Variants in MACF1 observed in about 807,000 individuals in gnomAD.
The protein encoded by MACF1 is microtubule actin crosslinking factor 1, also known as microtubule-actin cross-linking factor 1.
Under a neutral mutation model 854.8 loss-of-function variants are expected in MACF1, and 193 were observed. That is an observed-to-expected ratio of 0.23 (90% CI 0.20 to 0.25). The LOEUF is 0.25. MACF1 is among the 10% of genes least tolerant of loss of function. MACF1 has a pLI of 1.00. For missense variants in MACF1, 7,722 were observed against 8,929.1 expected (o/e 0.86, Z 5.45); for synonymous variants, 3,185 against 3,226.7 (o/e 0.99, Z 0.44).
At chr1:39,203,525 A>G (rs1478214756), upstream of MACF1, among the ~76,000 whole-genome samples, 1 of 152,220 alleles carries the variant, frequency 6.6e-6, no homozygotes, top group Non-Finnish European at 1.5e-5. Context: ...AGTTTGGACA[A>G]ATGTATACAG....
intron 42 of MACF1, among the ~76,000 whole-genome samples, chr1:39,350,542 C>G (rs2148500298): frequency 6.6e-6 from 1 of 152,250 alleles, no homozygotes; most frequent in Non-Finnish European, 1.5e-5. Context: ...TAATGCATTG[C>G]AAAATGAAAA....
intron 21 of MACF1, among the ~76,000 whole-genome samples, chr1:39,298,222 T>C (rs1645965021): frequency 6.6e-6 from 1 of 152,110 alleles, no homozygotes; most frequent in Admixed American, 6.5e-5. Context: ...ATAATTAAAA[T>C]TGATTTTAAT....
chr1:39,454,813 T>G lies in MACF1; in HGVS notation c.20887-96T>G, dbSNP rs985331339. On this transcript the variant is annotated intron_variant, in intron 88 of 100. Coordinates refer to ENST00000564288, the MANE Select transcript of MACF1 (RefSeq NM_001394062.1). Reference sequence around the variant, plus strand: ...AGAGTCTGTCTCCAAAAAAATAAAATAAAAAGCCATTATGAAAATCAGATG... The same window carrying G: ...AGAGTCTGTCTCCAAAAAAATAAAAGAAAAAGCCATTATGAAAATCAGATG... 4.5e-6 allele frequency: 5 copies of G among 1,102,480 alleles called. No individual in the cohort carries two copies. In the East Asian group the frequency reaches 1.0e-4, roughly 22 times the overall value. 68.3% of individuals were successfully genotyped at this position (1,102,480 alleles called of 1,614,324 possible). A position where few individuals can be genotyped will look rare whatever the true frequency, so the allele number is the denominator to read the frequency against.
intron 3 of MACF1, 120 bp from the exon 4 acceptor site, chr1:39,251,726 G>A: frequency 2.1e-6 from 1 of 471,666 alleles, no homozygotes; most frequent in Non-Finnish European, 3.5e-6. Context: ...TTCGGAGGTG[G>A]GAGGGTATTT....
chr1:39,333,108 C>T lies in MACF1; in HGVS notation c.6520C>T (p.Gln2174Ter). Reference protein sequence around the residue: ...RNTSFTCQNEQAHTLETEYIH... With the variant: ...RNTSFTCQNE Reference sequence around the variant, plus strand: ...CACTTCCTTTACATGTCAGAATGAACAAGCACACACTCTTGAGACTGAATA... The same window carrying T: ...CACTTCCTTTACATGTCAGAATGAATAAGCACACACTCTTGAGACTGAATA... Residue 2174 changes from glutamine (Q) to a stop codon, truncating the protein, a stop_gained, in exon 37 of 101, where the codon CAA becomes TAA. Transcript: ENST00000564288. LOFTEE classifies it high-confidence loss of function. 2 of 1,614,128 alleles carry T rather than the reference C, an allele frequency of 1.2e-6. No homozygotes were observed.
At chr1:39,094,650 G>A (rs539618845) in intron 2 of MACF1, among the ~76,000 whole-genome samples, 15 of 151,882 alleles carry the variant, frequency 9.9e-5, no homozygotes, top group African/African-American at 2.9e-4. Context: ...CCTGGGAGGC[G>A]GAAGTTGCGG....
At chr1:39,393,481 G>T (rs1191550565) in intron 58 of MACF1, among the ~76,000 whole-genome samples, 1 of 151,774 alleles carries the variant, frequency 6.6e-6, no homozygotes, top group Non-Finnish European at 1.5e-5. Context: ...TTTGGGTCAT[G>T]CTTCAGACTT....
chr1:39,368,975 A>G (rs1648984034), intron 50 of MACF1, among the ~76,000 whole-genome samples: 1 of 150,950 alleles, frequency 6.6e-6, no homozygotes, highest in Non-Finnish European at 1.5e-5. Flanking sequence ...GACATAATTA[A>G]GGGTGATGTT....
At chr1:39,119,573 A>C (rs1225553176) in intron 2 of MACF1, among the ~76,000 whole-genome samples, 1 of 151,862 alleles carries the variant, frequency 6.6e-6, no homozygotes, top group Admixed American at 6.6e-5. Flanking sequence ...TGGTTGTTTT[A>C]TTTCTTAGTG....
At chr1:39,354,291 T>A (rs1268434043) in intron 44 of MACF1, among the ~76,000 whole-genome samples, 1 of 152,210 alleles carries the variant, frequency 6.6e-6, no homozygotes, top group Non-Finnish European at 1.5e-5. Flanking sequence ...TTTTACTCAT[T>A]CTTCAGATCT....
chr1:39,483,223 ATATG>A (rs1239451386), intron 99 of MACF1, among the ~76,000 whole-genome samples: 1 of 152,162 alleles, frequency 6.6e-6, no homozygotes, highest in African/African-American at 2.4e-5. Context: ...AGTGATAATA[ATATG>A]TAGCTCTTTT....
At chr1:39,434,301 ATAAT>A in intron 68 of MACF1, 109 bp from the exon 69 acceptor site, 1 of 465,798 alleles carries the variant, frequency 2.1e-6, no homozygotes, top group Non-Finnish European at 3.8e-6. Flanking sequence ...ATATTTTAAA[ATAAT>A]TTAGTTATGT....
chr1:39,193,892 G>A (rs1644285888), intron 2 of MACF1, among the ~76,000 whole-genome samples: 1 of 152,018 alleles, frequency 6.6e-6, no homozygotes, highest in Non-Finnish European at 1.5e-5. Context: ...TGCCCAGGCT[G>A]GGGTGCAGTG....
chr1:39,156,155 G>A (rs762350864), intron 2 of MACF1, among the ~76,000 whole-genome samples: 62 of 151,996 alleles, frequency 4.1e-4, no homozygotes, highest in Non-Finnish European at 2.5e-4. Context: ...GATTACAGGC[G>A]TGAGCCACCG....
At chr1:39,423,995 C>G in intron 60 of MACF1, 33 bp from the exon 61 acceptor site, 1 of 1,529,560 alleles carries the variant, frequency 6.5e-7, no homozygotes, top group Non-Finnish European at 8.9e-7. Flanking sequence ...CAAAATGATC[C>G]TGTGTTACAG....
At chr1:39,456,396 A>G (rs1038176024) in intron 89 of MACF1, among the ~76,000 whole-genome samples, 1 of 152,214 alleles carries the variant, frequency 6.6e-6, no homozygotes, top group African/African-American at 2.4e-5. Context: ...TGAGATAGTC[A>G]ACACTTTATT....
At chr1:39,174,244 T>C (rs1046833331) in intron 2 of MACF1, among the ~76,000 whole-genome samples, 2 of 152,208 alleles carry the variant, frequency 1.3e-5, no homozygotes, top group African/African-American at 4.8e-5. Context: ...TACTTAACTT[T>C]TCTCTTTAGG....
At chr1:39,109,655 G>A (rs1296123454) in intron 2 of MACF1, among the ~76,000 whole-genome samples, 4 of 150,322 alleles carry the variant, frequency 2.7e-5, no homozygotes, top group South Asian at 2.1e-4. Context: ...TTAGAAAAAC[G>A]TTGATTTATA....
At chr1:39,328,375 G>C (rs1336074746) in intron 36 of MACF1, 1 of 152,098 alleles carries the variant, frequency 6.6e-6, no homozygotes, top group African/African-American at 2.4e-5. Context: ...GGTTAAAAAA[G>C]AGGGGGGAAA....
Sources: allele counts gnomAD v4.1 joint callset (sites outside exome capture counted in the v4.1 genomes callset), GRCh38; gene constraint gnomAD v4.1.1; transcripts MANE v1.5; gene names NCBI Gene and HGNC (gene_info 2026-07-23, HGNC 2026-07-21).